Variants in SYT9 observed in about 807,000 individuals in gnomAD.
SYT9 encodes synaptotagmin-9.
SYT9 carries 22 observed loss-of-function variants against 48.4 expected under a neutral mutation model. That is an observed-to-expected ratio of 0.45 (90% CI 0.32 to 0.65). SYT9 has a LOEUF of 0.65. Ranked by LOEUF, SYT9 falls within the 30% of genes least tolerant of loss-of-function variation. The pLI is 0.03. For missense variants in SYT9, 577 were observed against 622.0 expected (o/e 0.93, Z 0.77); for synonymous variants, 265 against 245.0 (o/e 1.08, Z -0.76).
At chr11:7,356,554 T>G (rs1265073450) in intron 3 of SYT9, among the ~76,000 whole-genome samples, 1 of 152,204 alleles carries the variant, frequency 6.6e-6, no homozygotes, top group Non-Finnish European at 1.5e-5. Flanking sequence ...ATTACTTTTC[T>G]GTACTCCACT....
At chr11:7,348,320 C>T (rs1849840198) in intron 3 of SYT9, among the ~76,000 whole-genome samples, 1 of 152,194 alleles carries the variant, frequency 6.6e-6, no homozygotes, top group South Asian at 2.1e-4. Context: ...CTGCAAATGT[C>T]ACCTGGCCAT....
intron 1 of SYT9, among the ~76,000 whole-genome samples, chr11:7,275,929 C>G (rs539164983): frequency 1.3e-3 from 193 of 152,284 alleles, no homozygotes; most frequent in Middle Eastern, 3.4e-3. Context: ...TCATATGTGT[C>G]TGAATCTATA....
chr11:7,398,566 C>T (rs186759887), intron 3 of SYT9, among the ~76,000 whole-genome samples: 260 of 152,116 alleles, frequency 1.7e-3, no homozygotes, highest in Middle Eastern at 0.01. Flanking sequence ...CCTGCCACCA[C>T]GCCCAGCTAA....
chr11:7,414,178 A>C (rs1847194170), intron 3 of SYT9, among the ~76,000 whole-genome samples: 1 of 152,214 alleles, frequency 6.6e-6, no homozygotes, highest in South Asian at 2.1e-4. Context: ...AAGTGTGTGC[A>C]CAGTGCGGGC....
intron 6 of SYT9, among the ~76,000 whole-genome samples, chr11:7,442,825 C>T (rs1201254264): frequency 3.3e-5 from 5 of 151,586 alleles, no homozygotes; most frequent in Non-Finnish European, 5.9e-5. Flanking sequence ...CTCTTCAGGA[C>T]TCTGATGGGT....
At chr11:7,249,014 C>A (rs1847827116), upstream of SYT9, among the ~76,000 whole-genome samples, 1 of 152,018 alleles carries the variant, frequency 6.6e-6, no homozygotes, top group Non-Finnish European at 1.5e-5. Flanking sequence ...AATAGAGAAC[C>A]CAGAAATAAA....
intron 3 of SYT9, among the ~76,000 whole-genome samples, chr11:7,360,981 G>T (rs969537898): frequency 4.6e-5 from 7 of 151,792 alleles, no homozygotes; most frequent in African/African-American, 1.7e-4. Flanking sequence ...CAAATTTCTT[G>T]GCATAAAGTT....
intron 6 of SYT9, among the ~76,000 whole-genome samples, chr11:7,434,454 A>G (rs928574238): frequency 4.6e-5 from 7 of 152,106 alleles, no homozygotes; most frequent in African/African-American, 1.7e-4. Context: ...CTTCATAGGA[A>G]GTTTTTAAGA....
intron 1 of SYT9, among the ~76,000 whole-genome samples, chr11:7,282,841 A>G (rs996491972): frequency 6.6e-6 from 1 of 152,100 alleles, no homozygotes; most frequent in Non-Finnish European, 1.5e-5. Context: ...TCTTTAAATT[A>G]CATTTAACTT....
At chr11:7,295,747 C>G (rs1445689959) in intron 1 of SYT9, among the ~76,000 whole-genome samples, 2 of 152,210 alleles carry the variant, frequency 1.3e-5, no homozygotes, top group Non-Finnish European at 2.9e-5. Context: ...AAAGGCCTCT[C>G]TGAACTCCAT....
chr11:7,279,402 G>A (rs907217462), intron 1 of SYT9, among the ~76,000 whole-genome samples: 1 of 152,128 alleles, frequency 6.6e-6, no homozygotes, highest in African/African-American at 2.4e-5. Flanking sequence ...AATAGGAGGG[G>A]TGAAGCTCAT....
At chr11:7,343,667 C>G (rs891016723) in intron 3 of SYT9, among the ~76,000 whole-genome samples, 9 of 152,198 alleles carry the variant, frequency 5.9e-5, no homozygotes, top group Non-Finnish European at 1.3e-4. Context: ...TTACCCAGTT[C>G]CAAAGTCACT....
At chr11:7,386,757 T>A (rs1407148390) in intron 3 of SYT9, among the ~76,000 whole-genome samples, 4 of 152,124 alleles carry the variant, frequency 2.6e-5, no homozygotes, top group African/African-American at 9.7e-5. Context: ...TTAGGGATCT[T>A]GAACTAGAAA....
intron 3 of SYT9, among the ~76,000 whole-genome samples, chr11:7,323,203 T>G (rs1248439713): frequency 6.6e-6 from 1 of 152,152 alleles, no homozygotes; most frequent in Non-Finnish European, 1.5e-5. Flanking sequence ...GTAAAGTATA[T>G]ACCTAGGAAT....
At chr11:7,418,159 A>G in intron 5 of SYT9, 31 bp downstream of exon 5, 1 of 1,607,142 alleles carries the variant, frequency 6.2e-7, no homozygotes, top group South Asian at 1.1e-5. Context: ...TTCCAGTGCA[A>G]GTTCACTGTG....
chr11:7,256,992 AAAAC>A (rs879928901), intron 1 of SYT9, among the ~76,000 whole-genome samples: 2 of 152,168 alleles, frequency 1.3e-5, no homozygotes, highest in African/African-American at 4.8e-5. Context: ...AAACAAAGAA[AAAAC>A]AAACAACAGC....
At chr11:7,349,382 A>AAC (rs71056799) in intron 3 of SYT9, among the ~76,000 whole-genome samples, 187 of 148,266 alleles carry the variant, frequency 1.3e-3, no homozygotes, top group African/African-American at 3.4e-3. Flanking sequence ...AAAATATACA[A>AAC]ACACACACAC....
At chr11:7,446,518 G>A (rs1311046159) in intron 6 of SYT9, among the ~76,000 whole-genome samples, 1 of 152,168 alleles carries the variant, frequency 6.6e-6, no homozygotes, top group East Asian at 1.9e-4. Context: ...GTGATCTCCA[G>A]AGCCAGTGAC....
chr11:7,464,743 G>A (rs1050639067), intron 6 of SYT9, among the ~76,000 whole-genome samples: 1 of 152,250 alleles, frequency 6.6e-6, no homozygotes, highest in East Asian at 1.9e-4. Flanking sequence ...AGTTGAAAGA[G>A]CGGCTAGGGA....
Sources: gnomAD v4.1 joint callset for allele counts (sites outside exome capture counted in the v4.1 genomes callset) on GRCh38, gnomAD v4.1.1 for gene constraint, MANE v1.5 for transcripts, NCBI Gene and HGNC (gene_info 2026-07-23, HGNC 2026-07-21) for gene names.